SUPT3H: variants seen among roughly 807,000 people sequenced by gnomAD.
SUPT3H encodes SPT3 homolog, SAGA and STAGA complex component.
Under a neutral mutation model 44.3 loss-of-function variants are expected in SUPT3H, and 44 were observed. The ratio of observed to expected loss-of-function variants is 0.99; its 90% CI spans 0.78 to 1.28. The LOEUF (loss-of-function observed/expected upper bound fraction) is 1.28. Ranked by LOEUF, SUPT3H falls within the 50% of genes most tolerant of loss-of-function variation. SUPT3H has a pLI of 0.00. For missense variants in SUPT3H, 380 were observed against 387.1 expected (o/e 0.98, Z 0.15); for synonymous variants, 124 against 125.6 (o/e 0.99, Z 0.09).
chr6:44,996,771 T>A (rs1781332540), intron 6 of SUPT3H, among the ~76,000 whole-genome samples: 1 of 151,896 alleles, frequency 6.6e-6, no homozygotes. Flanking sequence ...CTGTGGTTAT[T>A]TGTATTTTTT....
intron 10 of SUPT3H, among the ~76,000 whole-genome samples, chr6:44,929,289 T>C (rs953104978): frequency 1.2e-4 from 19 of 152,292 alleles, no homozygotes; most frequent in Admixed American, 9.2e-4. Context: ...GACAGAAAGA[T>C]GACTCGCTAA....
chr6:44,959,564 T>C (rs1309824726), intron 7 of SUPT3H, among the ~76,000 whole-genome samples: 2 of 151,998 alleles, frequency 1.3e-5, no homozygotes, highest in Non-Finnish European at 2.9e-5. Flanking sequence ...TAAATTTTAA[T>C]GATTTAAATT....
At chr6:45,224,254 T>C (rs567619232) in intron 2 of SUPT3H, among the ~76,000 whole-genome samples, 5 of 152,122 alleles carry the variant, frequency 3.3e-5, no homozygotes, top group East Asian at 1.9e-4. Context: ...TCATTACTCA[T>C]ATGTAAGTAC....
intron 2 of SUPT3H, among the ~76,000 whole-genome samples, chr6:45,167,917 T>G (rs1454253419): frequency 6.6e-6 from 1 of 152,054 alleles, no homozygotes; most frequent in African/African-American, 2.4e-5. Flanking sequence ...GTTCAAGTGA[T>G]TCTCCTGCCT....
intron 2 of SUPT3H, among the ~76,000 whole-genome samples, chr6:45,351,630 G>GT (rs1792076406): frequency 1.3e-5 from 2 of 151,952 alleles, no homozygotes; most frequent in Non-Finnish European, 2.9e-5. Flanking sequence ...ACTCTACCTA[G>GT]TTTTATACTT....
At chr6:45,133,698 C>T (rs1273241053) in intron 2 of SUPT3H, among the ~76,000 whole-genome samples, 1 of 152,098 alleles carries the variant, frequency 6.6e-6, no homozygotes, top group East Asian at 1.9e-4. Flanking sequence ...ATCTGACAAC[C>T]CTCCAGATCT....
intron 2 of SUPT3H, among the ~76,000 whole-genome samples, chr6:45,135,947 C>T (rs561647642): frequency 6.6e-6 from 1 of 152,274 alleles, no homozygotes; most frequent in African/African-American, 2.4e-5. Context: ...CCTGCATTGA[C>T]TGAGGTTGAT....
At position 45,154,087 on chromosome 6, in the gene SUPT3H, A is replaced by AAAAAAAAAAAAAAAAAAAAAAAAAAAAAC. The variant is rs70996303; in HGVS notation, c.102-48082_102-48081insGTTTTTTTTTTTTTTTTTTTTTTTTTTTT. On this transcript the variant is annotated intron_variant, in intron 2 of 10. Coordinates refer to ENST00000371459, the MANE Select transcript of SUPT3H (RefSeq NM_003599.4). ...TCTGTCTCAAGAAAAAAAAAAAAAA[A>AAAAAAAAAAAAAAAAAAAAAAAAAAAAAC]AGCGCTTAGTCCTCCTATGTTAGAA... is the stretch of plus-strand genomic sequence containing the variant. Among the ~76,000 whole-genome samples, 3 of 114,594 alleles carry AAAAAAAAAAAAAAAAAAAAAAAAAAAAAC rather than the reference A, an allele frequency of 2.6e-5. 1 individual carries two copies. Among genetic ancestry groups the AAAAAAAAAAAAAAAAAAAAAAAAAAAAAC allele is most frequent in the Non-Finnish European group, 5.3e-5 (3 of 56,956 alleles). 75.2% of individuals were successfully genotyped at this position (114,594 alleles called of 152,430 possible).
At chr6:44,812,872 A>G (rs2153402966) in intron 11 of SUPT3H, among the ~76,000 whole-genome samples, 1 of 152,308 alleles carries the variant, frequency 6.6e-6, no homozygotes, top group African/African-American at 2.4e-5. Flanking sequence ...CTACAGAGAA[A>G]TAAGTCTATA....
intron 2 of SUPT3H, among the ~76,000 whole-genome samples, chr6:45,173,568 T>C (rs1159327557): frequency 1.3e-5 from 2 of 152,198 alleles, no homozygotes; most frequent in Non-Finnish European, 1.5e-5. Flanking sequence ...CCACTTTTCA[T>C]TAAATGATTT....
intron 2 of SUPT3H, among the ~76,000 whole-genome samples, chr6:45,164,054 T>TA (rs933044695): frequency 1.3e-5 from 2 of 152,164 alleles, no homozygotes; most frequent in African/African-American, 4.8e-5. Flanking sequence ...GAGTAGCTGA[T>TA]ACACATATTC....
At chr6:44,948,522 A>G (rs536688019) in intron 9 of SUPT3H, among the ~76,000 whole-genome samples, 272 of 152,328 alleles carry the variant, frequency 1.8e-3, no homozygotes, top group African/African-American at 6.4e-3. Context: ...AGAATCTACA[A>G]AGAACTTAAA....
At chr6:45,139,472 G>A (rs1199662451) in intron 2 of SUPT3H, among the ~76,000 whole-genome samples, 3 of 152,178 alleles carry the variant, frequency 2.0e-5, no homozygotes, top group Non-Finnish European at 2.9e-5. Context: ...AAGAAGCACT[G>A]CAGCAACATA....
At chr6:44,927,321 A>G (rs1769658748) in intron 10 of SUPT3H, among the ~76,000 whole-genome samples, 1 of 152,140 alleles carries the variant, frequency 6.6e-6, no homozygotes, top group African/African-American at 2.4e-5. Flanking sequence ...CTAGGATGTA[A>G]GTTTTATTCT....
chr6:45,027,134 C>T (rs942536441), intron 3 of SUPT3H, among the ~76,000 whole-genome samples: 9 of 151,792 alleles, frequency 5.9e-5, no homozygotes, highest in South Asian at 4.2e-4. Flanking sequence ...GGACTATAGG[C>T]GTGCATCATC....
chr6:45,174,285 T>C (rs535605874), intron 2 of SUPT3H, among the ~76,000 whole-genome samples: 14 of 152,340 alleles, frequency 9.2e-5, no homozygotes, highest in South Asian at 2.1e-4. Flanking sequence ...CTCAGGTTTG[T>C]CAACAGGCAT....
intron 3 of SUPT3H, among the ~76,000 whole-genome samples, chr6:45,042,832 C>T (rs1217508167): frequency 2.8e-5 from 4 of 144,720 alleles, no homozygotes; most frequent in Non-Finnish European, 6.1e-5. Context: ...CAATAGCAGA[C>T]TTGGAACCAA....
At chr6:44,949,889 C>A (rs1774013220) in intron 9 of SUPT3H, among the ~76,000 whole-genome samples, 1 of 152,158 alleles carries the variant, frequency 6.6e-6, no homozygotes, top group South Asian at 2.1e-4. Context: ...TCTTTAAAAA[C>A]CAAACACATG....
chr6:44,896,182 T>C (rs949148762), intron 10 of SUPT3H, among the ~76,000 whole-genome samples: 2 of 152,120 alleles, frequency 1.3e-5, no homozygotes, highest in African/African-American at 4.8e-5. Context: ...AATAAATATG[T>C]GCAAATAATG....
Sources: allele counts gnomAD v4.1 joint callset (sites outside exome capture counted in the v4.1 genomes callset), GRCh38; gene constraint gnomAD v4.1.1; transcripts MANE v1.5; gene names NCBI Gene and HGNC (gene_info 2026-07-23, HGNC 2026-07-21).